USH2A: variants seen among roughly 807,000 people sequenced by gnomAD.
The protein encoded by USH2A is Usher syndrome 2A (autosomal recessive, mild).
In USH2A, 443 loss-of-function variants were observed where a neutral mutation model predicts 538.9. The observed-to-expected ratio is 0.82, with a 90% CI of 0.76 to 0.89. USH2A has a LOEUF of 0.89. USH2A is among the 40% of genes least tolerant of loss of function. The probability of loss-of-function intolerance (pLI) is 0.00; values close to 1 mark genes in which losing one functional copy is unlikely to be tolerated. For missense variants in USH2A, 6,633 were observed against 6,324.8 expected (o/e 1.05, Z -1.65); for synonymous variants, 2,413 against 2,273.5 (o/e 1.06, Z -1.75).
chr1:216,076,107 A>G (rs922835262), intron 27 of USH2A, among the ~76,000 whole-genome samples: 39 of 152,272 alleles, frequency 2.6e-4, no homozygotes, highest in African/African-American at 8.4e-4. Context: ...AGTGTCTCTC[A>G]AGGCATCTGA....
intron 32 of USH2A, among the ~76,000 whole-genome samples, chr1:216,021,230 C>T (rs955163061): frequency 2.6e-5 from 4 of 152,134 alleles, no homozygotes; most frequent in Admixed American, 6.5e-5. Flanking sequence ...GCCCAGATCT[C>T]ATCTTGAATT....
intron 41 of USH2A, among the ~76,000 whole-genome samples, chr1:215,887,667 G>C (rs1321819577): frequency 6.6e-6 from 1 of 152,194 alleles, no homozygotes; most frequent in Non-Finnish European, 1.5e-5. Context: ...TGCTTTTGGT[G>C]GGGGAGAGAG....
chr1:215,648,853 A>G (rs1404606798), intron 65 of USH2A, 87 bp from the exon 66 acceptor site: 2 of 1,261,768 alleles, frequency 1.6e-6, no homozygotes, highest in Non-Finnish European at 2.3e-6. Context: ...CCTCCTACAA[A>G]TGGAGTACCA....
chr1:216,358,957 A>G (rs1207461252), intron 4 of USH2A, among the ~76,000 whole-genome samples: 4 of 152,174 alleles, frequency 2.6e-5, no homozygotes, highest in Non-Finnish European at 1.5e-5. Flanking sequence ...TTATGGCGCT[A>G]TCAAATACTT....
At chr1:215,642,220 G>C (rs1008952970) in intron 67 of USH2A, among the ~76,000 whole-genome samples, 1 of 152,142 alleles carries the variant, frequency 6.6e-6, no homozygotes, top group African/African-American at 2.4e-5. Flanking sequence ...GTACCACTAC[G>C]CTCCTAGCTT....
chr1:215,981,314 A>T (rs1667747992), intron 35 of USH2A, among the ~76,000 whole-genome samples: 1 of 151,998 alleles, frequency 6.6e-6, no homozygotes, highest in South Asian at 2.1e-4. Flanking sequence ...CAGTTTTCTG[A>T]TGGTTACATG....
chr1:216,211,468 A>G (rs1329706011), intron 15 of USH2A, among the ~76,000 whole-genome samples: 6 of 152,290 alleles, frequency 3.9e-5, no homozygotes, highest in Admixed American at 2.6e-4. Context: ...ACAGAGGGGG[A>G]AAATGTTGTT....
At chr1:216,412,965 G>T (rs1195782856) in intron 3 of USH2A, among the ~76,000 whole-genome samples, 1 of 151,890 alleles carries the variant, frequency 6.6e-6, no homozygotes, top group Non-Finnish European at 1.5e-5. Context: ...TTGTATAACT[G>T]CAAATATGTA....
At position 215,623,425 on chromosome 1, in the gene USH2A, T is replaced by TAA. The variant is rs1333517568; in HGVS notation, c.*2354_*2355dup. On this transcript the variant is annotated 3_prime_UTR_variant, in exon 72 of 72. Coordinates refer to ENST00000307340, the MANE Select transcript of USH2A (RefSeq NM_206933.4). The stretch of plus-strand genomic sequence containing the variant: ...TCAACATTAGAACACCTGGAAGCTT[T>TAA]AAAAAGTACTGATGCCTCAGCCACA... The TAA allele has an allele frequency of 6.6e-6, 1 of 151,662 alleles. No homozygotes were observed. Among genetic ancestry groups the TAA allele is most frequent in the East Asian group, 1.9e-4 (1 of 5,180 alleles). 9.4% of individuals were successfully genotyped at this position (151,662 alleles called of 1,614,324 possible). A position where few individuals can be genotyped will look rare whatever the true frequency, so the allele number is the denominator to read the frequency against.
intron 3 of USH2A, among the ~76,000 whole-genome samples, chr1:216,388,888 T>C (rs541997700): frequency 5.0e-4 from 76 of 152,350 alleles, no homozygotes; most frequent in Non-Finnish European, 9.4e-4. Context: ...TCAATAGGTG[T>C]TCTTCAAACA....
intron 70 of USH2A, among the ~76,000 whole-genome samples, chr1:215,631,590 G>A (rs914620900): frequency 3.3e-5 from 5 of 152,174 alleles, no homozygotes; most frequent in African/African-American, 1.2e-4. Flanking sequence ...TGATTCAACA[G>A]GCTCAGGGGA....
chr1:215,802,349 T>C (rs1294863619), intron 49 of USH2A, among the ~76,000 whole-genome samples: 1 of 152,044 alleles, frequency 6.6e-6, no homozygotes, highest in African/African-American at 2.4e-5. Context: ...TGAGAAAATA[T>C]ATTAAAATTA....
chr1:216,290,700 C>G (rs1025809931), intron 10 of USH2A, among the ~76,000 whole-genome samples: 1 of 152,190 alleles, frequency 6.6e-6, no homozygotes, highest in Admixed American at 6.5e-5. Context: ...GTGTTTCCAA[C>G]TGCCCCCAGG....
rs115510535 is a variant in USH2A at position 215,815,140 on chromosome 1, G to A, written c.9571-1236C>T. On this transcript the variant is annotated intron_variant, in intron 48 of 71. Transcript: ENST00000307340. ...ACAATTTTTTTTTTGAAATTTAACT[G>A]ACATCCTTTATTCTCTTTTACCGCA... Among the ~76,000 whole-genome samples, 810 of 151,680 alleles carry A rather than the reference G, an allele frequency of 5.3e-3. 6 individuals carry two copies. The highest frequency in any genetic ancestry group is 0.018 in the African/African-American group (749 of 41,384).
At chr1:216,157,967 G>C (rs2033983455) in intron 21 of USH2A, among the ~76,000 whole-genome samples, 1 of 152,044 alleles carries the variant, frequency 6.6e-6, no homozygotes, top group Non-Finnish European at 1.5e-5. Flanking sequence ...AAATGAAAAA[G>C]AAGAAATTTA....
At chr1:216,234,198 T>C (rs1436151752) in intron 13 of USH2A, among the ~76,000 whole-genome samples, 3 of 152,192 alleles carry the variant, frequency 2.0e-5, no homozygotes, top group African/African-American at 7.2e-5. Flanking sequence ...AGCCATTTTC[T>C]TATAGTTACC....
At chr1:216,064,750 C>T (rs2031295522) in intron 30 of USH2A, among the ~76,000 whole-genome samples, 1 of 152,110 alleles carries the variant, frequency 6.6e-6, no homozygotes. Context: ...AATAGAGTAA[C>T]ATGCTGTGCA....
rs12036065 is a variant in USH2A at position 216,344,050 on chromosome 1, A to G, written c.785-16396T>C. On this transcript the variant is annotated intron_variant, in intron 4 of 71. Transcript: ENST00000307340. ...CCTTGAATTCTTTCTTGAGTGAGAAAGAATTTTTTAAGATGTTCTTAGATA... is the reference window on the plus strand; with the variant it reads ...CCTTGAATTCTTTCTTGAGTGAGAAGGAATTTTTTAAGATGTTCTTAGATA... Among the ~76,000 whole-genome samples, 1,024 of 152,218 alleles carry G rather than the reference A, an allele frequency of 6.7e-3. 5 individuals are homozygous for G. The highest frequency in any genetic ancestry group is 0.036 in the East Asian group (187 of 5,172).
In USH2A at chr1:215,634,683, CAGG is replaced by C; in HGVS notation, c.15070_15072del (p.Pro5024del). 6.2e-7 allele frequency: 1 copy of C among 1,614,188 alleles called. No homozygotes were observed. Among genetic ancestry groups the C allele is most frequent in the Non-Finnish European group, 8.5e-7 (1 of 1,180,024 alleles). ...TTGCTCCGCGATCCCTTCTTTTTCC[CAGG>C]AGTTGTTAGGACCAAGCCTGCAAAA... On this transcript the variant is annotated inframe_deletion, in exon 70 of 72. Coordinates refer to ENST00000307340, the MANE Select transcript of USH2A (RefSeq NM_206933.4).
Sources: allele counts gnomAD v4.1 joint callset (sites outside exome capture counted in the v4.1 genomes callset), GRCh38; gene constraint gnomAD v4.1.1; transcripts MANE v1.5; gene names NCBI Gene and HGNC (gene_info 2026-07-23, HGNC 2026-07-21).